Variants in PTS observed in about 807,000 individuals in gnomAD.
The protein encoded by PTS is 6-pyruvoyl tetrahydrobiopterin synthase.
Under a neutral mutation model 20.6 loss-of-function variants are expected in PTS, and 23 were observed. That is an observed-to-expected ratio of 1.12 (90% CI 0.80 to 1.58). PTS has a LOEUF of 1.58. PTS is among the 40% of genes most tolerant of loss of function. The pLI is 0.00. For synonymous variants in PTS, 65 were observed against 62.5 expected, an observed-to-expected ratio of 1.04 and a Z score of -0.19; for missense variants, 186 against 182.4, an observed-to-expected ratio of 1.02 and a Z score of -0.11.
chr11:112,233,195 T>C lies in PTS; in HGVS notation c.276T>C (p.Asn92=). Residue 92 remains asparagine (N), a synonymous_variant, in exon 5 of 6, where the codon AAT becomes AAC. Transcript: ENST00000280362. ...TTATGCAGCCCCTTGATCATAAGAA[T>C]CTGGATATGGATGTGCCATACTTTG... ...EAIMQPLDHK[N]LDMDVPYFAD... 6.2e-7 allele frequency: 1 copy of C among 1,614,126 alleles called. No individual in the cohort carries two copies. Among genetic ancestry groups the C allele is most frequent in the Non-Finnish European group, 8.5e-7 (1 of 1,179,982 alleles).
chr11:112,232,176 C>A (rs544399054), intron 4 of PTS, among the ~76,000 whole-genome samples: 1 of 152,050 alleles, frequency 6.6e-6, no homozygotes, highest in East Asian at 1.9e-4. Flanking sequence ...TCCAGGAGTT[C>A]AAGGCTGCAG....
intron 5 of PTS, 62 bp downstream of exon 5, chr11:112,233,295 G>C: frequency 6.4e-7 from 1 of 1,564,570 alleles, no homozygotes; most frequent in Non-Finnish European, 8.8e-7. Context: ...TGAATACTTT[G>C]ATTGTTGTGT....
intron 3 of PTS, 52 bp downstream of exon 3, chr11:112,230,282 C>G (rs1356305127): frequency 6.3e-7 from 1 of 1,578,446 alleles, no homozygotes; most frequent in South Asian, 1.1e-5. Context: ...GGCTCTCTTT[C>G]AGCCAGTGTG....
chr11:112,233,334 C>T lies in PTS; in HGVS notation c.315-98C>T, dbSNP rs1055474580. On this transcript the variant is annotated intron_variant, in intron 5 of 5. Coordinates refer to ENST00000280362, the MANE Select transcript of PTS (RefSeq NM_000317.3). The stretch of plus-strand genomic sequence containing the variant: ...TTCTGAAGTTTTAATTTAATGAAAT[C>T]TTTCGAAACTAGAATTTCTATTTTC... 9.1e-6 allele frequency: 14 copies of T among 1,532,416 alleles called. No individual in the cohort carries two copies. In the Admixed American group the frequency reaches 1.0e-4, roughly 11 times the overall value. The allele number at this position is 1,532,416 out of a possible 1,614,324, so 94.9% of individuals were successfully genotyped here. A position where few individuals can be genotyped will look rare whatever the true frequency, so the allele number is the denominator to read the frequency against.
chr11:112,230,808 G>A (rs1859920377), intron 4 of PTS, 126 bp downstream of exon 4: 3 of 884,544 alleles, frequency 3.4e-6, no homozygotes, highest in Non-Finnish European at 5.7e-6. Flanking sequence ...CTGGATGTGG[G>A]TGTTGGGGAA....
At chr11:112,230,038 A>G in intron 2 of PTS, 170 bp from the exon 3 acceptor site, 5 of 708,576 alleles carry the variant, frequency 7.1e-6, no homozygotes, top group Non-Finnish European at 1.2e-5. Flanking sequence ...TAAAAAAAAA[A>G]TCTTAACTAA....
At position 112,230,181 on chromosome 11, in the gene PTS, T is replaced by C. The variant is rs779770816; in HGVS notation, c.164-27T>C. 15 of 1,607,530 alleles carry C rather than the reference T, an allele frequency of 9.3e-6. No homozygotes were observed. The South Asian group carries it at 1.2e-4, about 13-fold the overall frequency. ...TGATCTGTTGAAAGTCATGCTGTTT[T>C]TTTTGTATTTTGTTTTCTTTCCATA... On this transcript the variant is annotated intron_variant, in intron 2 of 5. Coordinates refer to ENST00000280362, the MANE Select transcript of PTS (RefSeq NM_000317.3).
chr11:112,230,760 C>A (rs1859919881), intron 4 of PTS, 78 bp downstream of exon 4: 3 of 1,207,394 alleles, frequency 2.5e-6, no homozygotes, highest in Non-Finnish European at 2.5e-6. Flanking sequence ...CCTCCCCAAC[C>A]AGTTATCTCC....
Position 112,226,452 on chromosome 11 carries a change from G to C in PTS, c.9G>C (p.Thr3=). ...CAGACAGCGCCGGGAAGATGAGCAC[G>C]GAAGGTGGTGGCCGTCGCTGCCAGG... MS[T]EGGGRRCQAQ... Residue 3 remains threonine (T), a synonymous_variant, in exon 1 of 6, where the codon ACG becomes ACC. Transcript: ENST00000280362. 1 of 1,580,372 alleles carries C rather than the reference G, an allele frequency of 6.3e-7. No individual in the cohort carries two copies. Among genetic ancestry groups the C allele is most frequent in the South Asian group, 1.2e-5 (1 of 86,218 alleles).
Position 112,228,614 on chromosome 11 carries a change from A to G in PTS, c.104A>G (p.Glu35Gly), listed in dbSNP as rs1328320990. Residue 35 changes from glutamate (E) to glycine (G), a missense_variant, in exon 2 of 6, where the codon GAA becomes GGA. Transcript: ENST00000280362. ...RLYSKFLSDE[E>G]NLKLFGKCNN... Reference sequence around the variant, plus strand: ...GTCAGTAAATTTCTAAGTGATGAAGAAAACTTGAAACTGTTTGGGAAATGC... The same window carrying G: ...GTCAGTAAATTTCTAAGTGATGAAGGAAACTTGAAACTGTTTGGGAAATGC... 6 of 1,608,370 alleles carry G rather than the reference A, an allele frequency of 3.7e-6. No homozygotes were observed. Among genetic ancestry groups the G allele is most frequent in the Non-Finnish European group, 5.1e-6 (6 of 1,179,490 alleles).
intron 1 of PTS, among the ~76,000 whole-genome samples, chr11:112,228,028 T>A (rs1859887564): frequency 6.6e-6 from 1 of 152,246 alleles, no homozygotes; most frequent in Non-Finnish European, 1.5e-5. Flanking sequence ...ATTGTAATTT[T>A]AAAAATTCAC....
intron 2 of PTS, 70 bp downstream of exon 2, chr11:112,228,743 A>G (rs1859896490): frequency 7.3e-7 from 1 of 1,371,362 alleles, no homozygotes; most frequent in African/African-American, 1.4e-5. Flanking sequence ...ATGTAGACAT[A>G]AAGAATGGGA....
chr11:112,233,213 A>G lies in PTS; in HGVS notation c.294A>G (p.Pro98=). The stretch of plus-strand genomic sequence containing the variant: ...ATAAGAATCTGGATATGGATGTGCC[A>G]TACTTTGCAGATGTGGTGAGGTGGG... ...LDHKNLDMDV[P]YFADVVSTTE... is the part of the protein sequence containing the mutation. Residue 98 remains proline, a synonymous_variant, in exon 5 of 6, where the codon CCA becomes CCG. Transcript: ENST00000280362. The G allele has an allele frequency of 6.2e-7, 1 of 1,614,116 alleles. No homozygotes were observed. The highest frequency in any genetic ancestry group is 8.5e-7 in the Non-Finnish European group (1 of 1,179,972).
chr11:112,226,736 A>G (rs1859871208), intron 1 of PTS, among the ~76,000 whole-genome samples: 2 of 150,816 alleles, frequency 1.3e-5, no homozygotes, highest in Admixed American at 6.6e-5. Flanking sequence ...GGGGTGGGGG[A>G]GCTTGATGGT....
At position 112,233,906 on chromosome 11, in the gene PTS, A is replaced by G; in HGVS notation, c.*351A>G. 1 of 173,808 alleles carries G rather than the reference A, an allele frequency of 5.8e-6. No homozygotes were observed. The highest frequency in any genetic ancestry group is 1.3e-4 in the South Asian group (1 of 7,942). 10.8% of individuals were successfully genotyped at this position (173,808 alleles called of 1,614,324 possible). A position where few individuals can be genotyped will look rare whatever the true frequency, so the allele number is the denominator to read the frequency against. On this transcript the variant is annotated 3_prime_UTR_variant, in exon 6 of 6. Transcript: ENST00000280362. ...TTAATTTTTACTTGGTATAATATAC[A>G]TGGTTAAAATGCTTATGTGACTTCG...
intron 2 of PTS, chr11:112,229,040 A>C (rs1381462511): frequency 4.2e-6 from 1 of 237,106 alleles, no homozygotes; most frequent in Admixed American, 5.2e-5. Context: ...CTAGGAATGT[A>C]ATGTATGGCA....
Position 112,228,009 on chromosome 11 carries a change from CA to C in PTS, c.84-584del, listed in dbSNP as rs1859887400. ...GCAATTTGTTTTCTGTCTGAGACGA[CA>C]GCCAAAGATTGTAATTTTAAAAATT... is the stretch of plus-strand genomic sequence containing the variant. On this transcript the variant is annotated intron_variant, in intron 1 of 5. Coordinates refer to ENST00000280362, the MANE Select transcript of PTS (RefSeq NM_000317.3). 2.6e-5 allele frequency among the ~76,000 whole-genome samples: 4 copies of C among 152,238 alleles called. No individual in the cohort carries two copies. The South Asian group carries it at 8.3e-4, about 32-fold the overall frequency.
At chr11:112,230,351 ATG>A in intron 3 of PTS, 121 bp downstream of exon 3, 1 of 1,254,354 alleles carries the variant, frequency 8.0e-7, no homozygotes, top group Non-Finnish European at 1.2e-6. Flanking sequence ...GCCCTTGTAT[ATG>A]TGTGTGTGGT....
At position 112,230,206 on chromosome 11, in the gene PTS, A is replaced by G. The variant is rs1555198233; in HGVS notation, c.164-2A>G. The G allele has an allele frequency of 1.2e-6, 2 of 1,613,230 alleles. No individual in the cohort carries two copies. Among genetic ancestry groups the G allele is most frequent in the Non-Finnish European group, 8.5e-7 (1 of 1,179,318 alleles). On this transcript the variant is annotated splice_acceptor_variant, in intron 2 of 5. Coordinates refer to ENST00000280362, the MANE Select transcript of PTS (RefSeq NM_000317.3). LOFTEE classifies it high-confidence loss of function. ...TTTTTGTATTTTGTTTTCTTTCCAT[A>G]GTTGTGGTGACAGTACATGGAGAGG...
Sources: allele counts gnomAD v4.1 joint callset (sites outside exome capture counted in the v4.1 genomes callset), GRCh38; gene constraint gnomAD v4.1.1; transcripts MANE v1.5; gene names NCBI Gene and HGNC (gene_info 2026-07-23, HGNC 2026-07-21).